The following GUCY2D variants were observed in gnomAD, a reference collection of about 807,000 sequenced individuals.
The protein encoded by GUCY2D is retinal guanylyl cyclase 1.
Under a neutral mutation model 101.3 loss-of-function variants are expected in GUCY2D, and 70 were observed. That is an observed-to-expected ratio of 0.69 (90% CI 0.57 to 0.84). The LOEUF is 0.84. GUCY2D is among the 40% of genes least tolerant of loss of function. The pLI is 0.00. For missense variants in GUCY2D, 1,460 were observed against 1,542.5 expected (o/e 0.95, Z 0.90); for synonymous variants, 688 against 670.7 (o/e 1.03, Z -0.40).
chr17:8,019,347 T>C (rs1976031643), intron 19 of GUCY2D, among the ~76,000 whole-genome samples: 1 of 152,182 alleles, frequency 6.6e-6, no homozygotes, highest in Non-Finnish European at 1.5e-5. Flanking sequence ...GCAGAGGGAT[T>C]AGCTGGGACA....
In GUCY2D at chr17:8,014,611, T is replaced by G. The variant is rs373615436; in HGVS notation, c.2423T>G (p.Ile808Ser). ...TCCTTCTACTGCTAGTTCAAGAACATCAACAAGGGCCGGAAGACGAACATC... is the reference window on the plus strand; with the variant it reads ...TCCTTCTACTGCTAGTTCAAGAACAGCAACAAGGGCCGGAAGACGAACATC... ...MDHTFDLFKN[I>S]NKGRKTNIID... Residue 808 changes from isoleucine to serine, a missense_variant, in exon 13 of 20, where the codon ATC (isoleucine) becomes AGC (serine). This residue lies in a region of GUCY2D where 1,196 missense variants were observed against 1,229.6 expected (regional missense o/e 0.97). Transcript: ENST00000254854. The surrounding 1 kb of genome is among the most constrained non-coding windows in gnomAD (Gnocchi z 4.0). 6 of 1,613,964 alleles carry G rather than the reference T, an allele frequency of 3.7e-6. No individual in the cohort carries two copies. Among genetic ancestry groups the G allele is most frequent in the Non-Finnish European group, 4.2e-6 (5 of 1,180,008 alleles).
chr17:8,016,453 C>T lies in GUCY2D; in HGVS notation c.3235C>T (p.His1079Tyr). The T allele has an allele frequency of 6.4e-7, 1 of 1,569,056 alleles. No homozygotes were observed. Among genetic ancestry groups the T allele is most frequent in the Non-Finnish European group, 8.6e-7 (1 of 1,157,414 alleles). ...GCCCCCTCCTTGCAGGTCCAGCAAC[C>T]ACGGCATCAGCCTGCAGGAGATCCC... ...PPDLQPGSSN[H>Y]GISLQEIPPE... is the part of the protein sequence containing the mutation. Residue 1079 changes from histidine to tyrosine, a missense_variant, in exon 19 of 20, where the codon CAC (histidine) becomes TAC (tyrosine). Around this residue, in one of 3 missense-constraint regions of GUCY2D, gnomAD observed 215 missense variants for 227.9 expected, o/e 0.94. Transcript: ENST00000254854.
chr17:8,016,174 C>A, intron 17 of GUCY2D, 31 bp from the exon 18 acceptor site: 1 of 1,489,324 alleles, frequency 6.7e-7, no homozygotes, highest in South Asian at 1.2e-5. Flanking sequence ...CCCAGTCCGC[C>A]TAAGTCCTTC....
At position 8,016,568 on chromosome 17, in the gene GUCY2D, A is replaced by C. The variant is rs1975983127; in HGVS notation, c.*24+14A>C. Reference sequence around the variant, plus strand: ...GGCCCCGGACAGGTACTGCCCCCTCAGCCCCAACCCCAGCTGCCGCGTCCC... The same window carrying C: ...GGCCCCGGACAGGTACTGCCCCCTCCGCCCCAACCCCAGCTGCCGCGTCCC... On this transcript the variant is annotated intron_variant, in intron 19 of 19. Coordinates refer to ENST00000254854, the MANE Select transcript of GUCY2D (RefSeq NM_000180.4). 7.7e-7 allele frequency: 1 copy of C among 1,305,990 alleles called. No individual in the cohort carries two copies. The highest frequency in any genetic ancestry group is 1.1e-6 in the Non-Finnish European group (1 of 930,986). The allele number at this position is 1,305,990 out of a possible 1,614,324, so 80.9% of individuals were successfully genotyped here. A position where few individuals can be genotyped will look rare whatever the true frequency, so the allele number is the denominator to read the frequency against.
At chr17:8,016,173 C>A in intron 17 of GUCY2D, 32 bp from the exon 18 acceptor site, 1 of 1,479,598 alleles carries the variant, frequency 6.8e-7, no homozygotes, top group Non-Finnish European at 9.3e-7. Context: ...CCCCAGTCCG[C>A]CTAAGTCCTT....
chr17:8,006,588 T>C lies in GUCY2D; in HGVS notation c.1252T>C (p.Tyr418His). 1 of 1,613,648 alleles carries C rather than the reference T, an allele frequency of 6.2e-7. No individual in the cohort carries two copies. The highest frequency in any genetic ancestry group is 8.5e-7 in the Non-Finnish European group (1 of 1,179,972). Residue 418 changes from tyrosine (Y) to histidine (H), a missense_variant, in exon 4 of 20, where the codon TAC becomes CAC. Tyr to His is a moderately conservative substitution (Grantham distance 83, BLOSUM62 2). Coordinates refer to ENST00000254854, the MANE Select transcript of GUCY2D (RefSeq NM_000180.4). ...GGCGGGAGACCGGCTTTTTGCCACA[T>C]ACATGCTGGATCCTGCCCGGGGCTC... is the stretch of plus-strand genomic sequence containing the variant. ...DAAGDRLFAT[Y>H]MLDPARGSFL...
rs1423033093 is a variant in GUCY2D, at chr17:8,003,150, C to G, written c.103C>G (p.Arg35Gly). Reference protein sequence around the residue: ...SLPRLPRALPRLPLLLLLLLL... With the variant: ...SLPRLPRALPGLPLLLLLLLL... ...GCCCCGCCTCCCCCGGGCCCTGCCC[C>G]GGCTCCCGCTCCTGCTGCTCCTGCT... The change falls in exon 2 of 20, where the codon CGG (arginine) becomes GGG (glycine). Residue 35 changes from arginine (R) to glycine (G), a missense_variant. This residue lies in a region of GUCY2D where 1,196 missense variants were observed against 1,229.6 expected (regional missense o/e 0.97). Transcript: ENST00000254854. 7.3e-6 allele frequency: 11 copies of G among 1,509,136 alleles called. No homozygotes were observed. Among genetic ancestry groups the G allele is most frequent in the Middle Eastern group, 2.1e-4 (1 of 4,752 alleles). 93.5% of individuals were successfully genotyped at this position (1,509,136 alleles called of 1,614,324 possible). A position where few individuals can be genotyped will look rare whatever the true frequency, so the allele number is the denominator to read the frequency against.
rs61750174 is a variant in GUCY2D at position 8,014,704 on chromosome 17, C to A, written c.2516C>A (p.Thr839Lys). Reference sequence around the variant, plus strand: ...CTGGAGGATCTGATCCGGGAGCGCACGGAGGAGCTGGAGCTGGAAAAGCAG... The same window carrying A: ...CTGGAGGATCTGATCCGGGAGCGCAAGGAGGAGCTGGAGCTGGAAAAGCAG... ...SNLEDLIRER[T>K]EELELEKQKT... The change falls in exon 13 of 20, where the codon ACG (threonine) becomes AAG (lysine). Residue 839 changes from threonine to lysine, a missense_variant. Transcript: ENST00000254854. The surrounding 1 kb of genome is among the most constrained non-coding windows in gnomAD (Gnocchi z 4.0). The A allele has an allele frequency of 6.4e-7, 1 of 1,566,278 alleles. No individual in the cohort carries two copies. The highest frequency in any genetic ancestry group is 2.5e-5 in the East Asian group (1 of 40,362).
intron 19 of GUCY2D, among the ~76,000 whole-genome samples, chr17:8,018,041 T>C (rs1976009210): frequency 4.6e-5 from 7 of 152,202 alleles, no homozygotes; most frequent in Admixed American, 4.6e-4. Context: ...CCAGTTGAAG[T>C]TGCCTTTGTG....
rs1975886832 is a variant in GUCY2D at position 8,013,038 on chromosome 17, C to A, written c.2114-65C>A. Reference sequence around the variant, plus strand: ...GGGTTGGTGGTGTCTGGGTGCCAACCTGGGCTTTCTGGTGAGGGTGGGAGT... The same window carrying A: ...GGGTTGGTGGTGTCTGGGTGCCAACATGGGCTTTCTGGTGAGGGTGGGAGT... On this transcript the variant is annotated intron_variant, in intron 10 of 19. Transcript: ENST00000254854. This position sits in a 1 kb window ranked among gnomAD's most constrained non-coding sequence, Gnocchi z 5.0. 3 of 1,532,050 alleles carry A rather than the reference C, an allele frequency of 2.0e-6. No homozygotes were observed. The highest frequency in any genetic ancestry group is 2.7e-5 in the African/African-American group (2 of 73,444). 94.9% of individuals were successfully genotyped at this position (1,532,050 alleles called of 1,614,324 possible).
chr17:8,007,985 A>T lies in GUCY2D; in HGVS notation c.1621A>T (p.Ser541Cys). ...LGARSMSDIR[S>C]GPSQHLDSPN... Reference sequence around the variant, plus strand: ...TGCCCGCAGCATGTCAGACATTCGCAGCGGCCCCAGCCAACACTTGGACAG... The same window carrying T: ...TGCCCGCAGCATGTCAGACATTCGCTGCGGCCCCAGCCAACACTTGGACAG... The change falls in exon 7 of 20, where the codon AGC (serine) becomes TGC (cysteine). Residue 541 changes from serine (S) to cysteine (C), a missense_variant. By Grantham distance (112) the Ser-to-Cys change is moderately radical. Transcript: ENST00000254854. The T allele has an allele frequency of 1.2e-6, 2 of 1,613,766 alleles. No homozygotes were observed. The highest frequency in any genetic ancestry group is 1.7e-6 in the Non-Finnish European group (2 of 1,179,770).
In GUCY2D at chr17:8,015,330, G is replaced by A. The variant is rs1319306290; in HGVS notation, c.2772G>A (p.Val924=). 1 of 1,605,374 alleles carries A rather than the reference G, an allele frequency of 6.2e-7. No individual in the cohort carries two copies. The highest frequency in any genetic ancestry group is 8.5e-7 in the Non-Finnish European group (1 of 1,179,470). ...CACACAACTCCTTCTTCCCCCAGGT[G>A]GAGACAATAGGGGACGCCTATATGG... The part of the protein sequence containing the change: ...AIIGSHDVYK[V]ETIGDAYMVA... Residue 924 remains valine, a splice_region_variant and synonymous_variant, in exon 15 of 20, where the codon GTG becomes GTA. Coordinates refer to ENST00000254854, the MANE Select transcript of GUCY2D (RefSeq NM_000180.4).
chr17:8,005,477 C>T (rs1975720215), intron 3 of GUCY2D, among the ~76,000 whole-genome samples: 1 of 152,200 alleles, frequency 6.6e-6, no homozygotes, highest in African/African-American at 2.4e-5. Flanking sequence ...TTCAGCCAGA[C>T]CAAGCTACTC....
In GUCY2D at chr17:8,012,586, C is replaced by T. The variant is rs200128473; in HGVS notation, c.2093C>T (p.Pro698Leu). The change falls in exon 10 of 20, where the codon CCG becomes CTG. Residue 698 changes from proline (P) to leucine (L), a missense_variant. Coordinates refer to ENST00000254854, the MANE Select transcript of GUCY2D (RefSeq NM_000180.4). ...CTGCTGGAAGCACAGAAGGTGCTAC[C>T]GGAGCCTCCCAGAGCGGAGGGTAAG... is the stretch of plus-strand genomic sequence containing the variant. ...GRLLEAQKVL[P>L]EPPRAEDQLW... The T allele has an allele frequency of 3.0e-5, 49 of 1,613,610 alleles. 1 individual carries two copies. Among genetic ancestry groups the T allele is most frequent in the South Asian group, 2.7e-4 (25 of 91,074 alleles).
intron 3 of GUCY2D, among the ~76,000 whole-genome samples, chr17:8,004,818 TCA>T (rs1418475289): frequency 2.1e-4 from 32 of 152,142 alleles, no homozygotes; most frequent in Admixed American, 2.6e-4. Flanking sequence ...AAGGTCCAAC[TCA>T]CAGGCGGCTG....
chr17:8,010,664 C>T (rs1329227533), intron 8 of GUCY2D, among the ~76,000 whole-genome samples: 4 of 151,766 alleles, frequency 2.6e-5, no homozygotes, highest in Non-Finnish European at 4.4e-5. Context: ...AAAAATTAGC[C>T]GGGTGTGGTG....
rs1224494757 is a variant in GUCY2D, at chr17:8,009,501, T to C, written c.1669-5T>C. 2 of 1,606,762 alleles carry C rather than the reference T, an allele frequency of 1.2e-6. No individual in the cohort carries two copies. The highest frequency in any genetic ancestry group is 1.7e-5 in the Admixed American group (1 of 60,020). On this transcript the variant is annotated splice_region_variant and splice_polypyrimidine_tract_variant and intron_variant, in intron 7 of 19. Coordinates refer to ENST00000254854, the MANE Select transcript of GUCY2D (RefSeq NM_000180.4). Reference sequence around the variant, plus strand: ...AGTTCCCTACCCCCATCCTCTTTGCTGCAGGGAGACAGGGTTTGGCTGAAG... The same window carrying C: ...AGTTCCCTACCCCCATCCTCTTTGCCGCAGGGAGACAGGGTTTGGCTGAAG...
Position 8,004,029 on chromosome 17 carries a change from A to G in GUCY2D, c.899A>G (p.Gln300Arg), listed in dbSNP as rs1452652342. The G allele has an allele frequency of 6.2e-7, 1 of 1,612,122 alleles. No homozygotes were observed. Among genetic ancestry groups the G allele is most frequent in the Admixed American group, 1.7e-5 (1 of 60,018 alleles). Residue 300 changes from glutamine (Q) to arginine (R), a missense_variant, in exon 3 of 20, where the codon CAG becomes CGG. Physicochemically the swap from Gln to Arg is conservative, Grantham distance 43. Around this residue, in one of 3 missense-constraint regions of GUCY2D, gnomAD observed 1,196 missense variants for 1,229.6 expected, o/e 0.97. Coordinates refer to ENST00000254854, the MANE Select transcript of GUCY2D (RefSeq NM_000180.4). ...TTGGCCGCACTCGCCAACAGCTCCC[A>G]GCTTCGCAGGGCCCACGATGCCGTG... Reference protein sequence around the residue: ...EALAALANSSQLRRAHDAVLT... With the variant: ...EALAALANSSRLRRAHDAVLT...
In GUCY2D at chr17:8,011,620, C is replaced by T. The variant is rs1598148710; in HGVS notation, c.1750-524C>T. 6.6e-6 allele frequency among the ~76,000 whole-genome samples: 1 copy of T among 152,036 alleles called. No homozygotes were observed. Among genetic ancestry groups the T allele is most frequent in the East Asian group, 1.9e-4 (1 of 5,166 alleles). On this transcript the variant is annotated intron_variant, in intron 8 of 19. Transcript: ENST00000254854. This position sits in a 1 kb window ranked among gnomAD's most constrained non-coding sequence, Gnocchi z 4.3. ...GGAGGATCATTTGAAGCCAGGAGTTCAAGACCAGCCTGGGCAACATAGCAA... is the reference window on the plus strand; with the variant it reads ...GGAGGATCATTTGAAGCCAGGAGTTTAAGACCAGCCTGGGCAACATAGCAA...
Sources: gnomAD v4.1 joint callset for allele counts (sites outside exome capture counted in the v4.1 genomes callset) on GRCh38, gnomAD v4.1.1 for gene constraint, gnomAD v4.1.1 regional missense constraint, Gnocchi (gnomAD v3.1) non-coding constraint, MANE v1.5 for transcripts, NCBI Gene and HGNC (gene_info 2026-07-23, HGNC 2026-07-21) for gene names.